Variants in GDAP1 observed in about 807,000 individuals in gnomAD.
The protein encoded by GDAP1 is ganglioside-induced differentiation-associated protein 1.
A neutral mutation model predicts 40.1 loss-of-function variants in GDAP1; 34 were observed. The observed-to-expected ratio is 0.85, with a 90% confidence interval of 0.64 to 1.13. The LOEUF (loss-of-function observed/expected upper bound fraction) is 1.13, where lower values mean the gene tolerates loss of function less well. Ranked by LOEUF, GDAP1 falls within the 50% of genes most tolerant of loss-of-function variation. The pLI is 0.00. For missense variants in GDAP1, 374 were observed against 433.7 expected, an observed-to-expected ratio of 0.86 and a Z score of 1.22; for synonymous variants, 170 against 157.4, an observed-to-expected ratio of 1.08 and a Z score of -0.60.
In GDAP1 at chr8:74,363,910, G is replaced by T. The variant is rs1809490943; in HGVS notation, c.695-75G>T. Reference sequence around the variant, plus strand: ...TATACTCACACTCACCCTTAAGGGTGAGACCACTGATACCAGCTGGAGTCT... The same window carrying T: ...TATACTCACACTCACCCTTAAGGGTTAGACCACTGATACCAGCTGGAGTCT... On this transcript the variant is annotated intron_variant, in intron 5 of 5. Transcript: ENST00000220822. 4 of 1,278,346 alleles carry T rather than the reference G, an allele frequency of 3.1e-6. No homozygotes were observed. The Admixed American group carries it at 6.7e-5, about 21-fold the overall frequency. The allele number at this position is 1,278,346 out of a possible 1,614,324, so 79.2% of individuals were successfully genotyped here.
chr8:74,362,914 G>A, intron 4 of GDAP1, 25 bp from the exon 5 acceptor site: 1 of 987,266 alleles, frequency 1.0e-6, no homozygotes, highest in Non-Finnish European at 1.6e-6. Context: ...AATATGTTTG[G>A]TTTCTTTTTT....
At chr8:74,415,337 A>G (rs1020361460) in intron 2 of GDAP1, among the ~76,000 whole-genome samples, 6 of 150,288 alleles carry the variant, frequency 4.0e-5, no homozygotes, top group African/African-American at 1.5e-4. Context: ...ATAATAGAAG[A>G]AAAGCATGAA....
downstream of GDAP1, among the ~76,000 whole-genome samples, chr8:74,370,494 G>A (rs779713414): frequency 1.7e-4 from 26 of 152,130 alleles, no homozygotes; most frequent in Admixed American, 3.3e-4. Flanking sequence ...ATAAGAACAC[G>A]TTGTTAGCTC....
intron 2 of GDAP1, among the ~76,000 whole-genome samples, chr8:74,487,618 G>A (rs1038531456): frequency 6.6e-6 from 1 of 152,160 alleles, no homozygotes; most frequent in African/African-American, 2.4e-5. Context: ...TGAAGTTCAT[G>A]TGTTCCATTG....
At chr8:74,382,440 A>G (rs775134164) in intron 2 of GDAP1, among the ~76,000 whole-genome samples, 5 of 151,196 alleles carry the variant, frequency 3.3e-5, no homozygotes, top group African/African-American at 7.3e-5. Context: ...ATTTACAAGC[A>G]TGAAGTCATA....
At chr8:74,481,397 C>G (rs1409376057) in intron 2 of GDAP1, among the ~76,000 whole-genome samples, 3 of 152,210 alleles carry the variant, frequency 2.0e-5, no homozygotes, top group African/African-American at 7.2e-5. Flanking sequence ...TATATCATTC[C>G]TGACATTGTA....
At chr8:74,410,550 C>T (rs892270038) in intron 2 of GDAP1, among the ~76,000 whole-genome samples, 2 of 150,156 alleles carry the variant, frequency 1.3e-5, no homozygotes, top group African/African-American at 5.1e-5. Flanking sequence ...ATTGAGAAAA[C>T]TCAATGGAGA....
chr8:74,391,296 A>C (rs1473768033), intron 2 of GDAP1, among the ~76,000 whole-genome samples: 4 of 152,060 alleles, frequency 2.6e-5, no homozygotes, highest in Admixed American at 2.6e-4. Context: ...CTTGAAACCC[A>C]GGACCCTGGT....
chr8:74,375,924 T>TCAGAATG (rs1400680099), intron 2 of GDAP1, among the ~76,000 whole-genome samples: 2 of 152,226 alleles, frequency 1.3e-5, no homozygotes, highest in Non-Finnish European at 2.9e-5. Context: ...TAGCAAGTTC[T>TCAGAATG]CAGAATGCAA....
At position 74,363,981 on chromosome 8, in the gene GDAP1, T is replaced by A; in HGVS notation, c.695-4T>A. On this transcript the variant is annotated splice_region_variant and splice_polypyrimidine_tract_variant and intron_variant, in intron 5 of 5. Coordinates refer to ENST00000220822, the MANE Select transcript of GDAP1 (RefSeq NM_018972.4). ...TAATTCTCTATGTCCCTTTCTCTAATTAGAAGAGGGCCAGCAACCTTGGCT... is the reference window on the plus strand; with the variant it reads ...TAATTCTCTATGTCCCTTTCTCTAAATAGAAGAGGGCCAGCAACCTTGGCT... The A allele has an allele frequency of 1.9e-6, 3 of 1,613,826 alleles. No homozygotes were observed. Among genetic ancestry groups the A allele is most frequent in the Non-Finnish European group, 1.7e-6 (2 of 1,179,694 alleles).
At chr8:74,398,290 C>A (rs1344318004) in intron 2 of GDAP1, among the ~76,000 whole-genome samples, 1 of 152,114 alleles carries the variant, frequency 6.6e-6, no homozygotes, top group Non-Finnish European at 1.5e-5. Flanking sequence ...ATTGCAACCC[C>A]TGCCTTTGTT....
intron 2 of GDAP1, among the ~76,000 whole-genome samples, chr8:74,385,182 A>T (rs990470146): frequency 1.3e-5 from 2 of 151,512 alleles, no homozygotes; most frequent in Non-Finnish European, 2.9e-5. Context: ...AGATCTTTTT[A>T]TTATTATTAT....
At chr8:74,409,642 C>T (rs1040248742) in intron 2 of GDAP1, among the ~76,000 whole-genome samples, 9 of 149,970 alleles carry the variant, frequency 6.0e-5, no homozygotes, top group Admixed American at 2.0e-4. Context: ...CGTGAGCCAC[C>T]GCACCTGACC....
At chr8:74,383,292 G>C (rs1809980887) in intron 2 of GDAP1, among the ~76,000 whole-genome samples, 1 of 152,142 alleles carries the variant, frequency 6.6e-6, no homozygotes, top group South Asian at 2.1e-4. Flanking sequence ...GTTTCTGATG[G>C]CTTTCAGCCC....
chr8:74,447,823 A>G (rs1457248239), intron 2 of GDAP1, among the ~76,000 whole-genome samples: 1 of 152,166 alleles, frequency 6.6e-6, no homozygotes, highest in Non-Finnish European at 1.5e-5. Context: ...TCTTAACAAT[A>G]TTATATAAAA....
intron 2 of GDAP1, among the ~76,000 whole-genome samples, chr8:74,428,965 T>C (rs1805991284): frequency 6.7e-6 from 1 of 148,552 alleles, no homozygotes; most frequent in Non-Finnish European, 1.5e-5. Flanking sequence ...ACATGCGGTG[T>C]TTGGTTTTTT....
chr8:74,470,747 A>G (rs1273011395), intron 2 of GDAP1, among the ~76,000 whole-genome samples: 4 of 152,242 alleles, frequency 2.6e-5, no homozygotes, highest in Non-Finnish European at 5.9e-5. Flanking sequence ...AGCATGATTT[A>G]TAATCCTTTG....
At chr8:74,462,968 T>C (rs1806418983) in intron 2 of GDAP1, among the ~76,000 whole-genome samples, 3 of 150,866 alleles carry the variant, frequency 2.0e-5, no homozygotes, top group African/African-American at 4.9e-5. Flanking sequence ...GGGAAAAGTT[T>C]ATAGATATTA....
chr8:74,447,739 A>C (rs1806250317), intron 2 of GDAP1, among the ~76,000 whole-genome samples: 1 of 152,142 alleles, frequency 6.6e-6, no homozygotes, highest in African/African-American at 2.4e-5. Flanking sequence ...GACCTACATC[A>C]CTGGTAGCTG....
Sources: allele counts gnomAD v4.1 joint callset (sites outside exome capture counted in the v4.1 genomes callset), GRCh38; gene constraint gnomAD v4.1.1; transcripts MANE v1.5; gene names NCBI Gene and HGNC (gene_info 2026-07-23, HGNC 2026-07-21).